Variants in VSTM5 observed in about 807,000 individuals in gnomAD.
VSTM5 encodes the protein V-set and transmembrane domain containing 5.
A neutral mutation model predicts 20.3 loss-of-function variants in VSTM5; 21 were observed. That is an observed-to-expected ratio of 1.03 (90% CI 0.73 to 1.49). VSTM5 has a LOEUF of 1.49. Ranked by LOEUF, VSTM5 falls within the 40% of genes most tolerant of loss-of-function variation. The pLI, the probability that VSTM5 is intolerant of heterozygous loss-of-function variation, is 0.00. For synonymous variants in VSTM5, 100 were observed against 102.5 expected (o/e 0.98, Z 0.14); for missense variants, 219 against 250.0 (o/e 0.88, Z 0.84).
chr11:93,827,800 GT>G (rs988040378), intron 1 of VSTM5: 6 of 150,772 alleles, frequency 4.0e-5, no homozygotes, highest in Non-Finnish European at 5.9e-5. Flanking sequence ...AAGGAAAGAC[GT>G]CTGTGATGTT....
intron 1 of VSTM5, among the ~76,000 whole-genome samples, chr11:93,822,824 A>G (rs184121282): frequency 4.6e-5 from 7 of 152,260 alleles, no homozygotes; most frequent in Admixed American, 4.6e-4. Flanking sequence ...TCAATCACGT[A>G]TCTATGTTTC....
At position 93,819,269 on chromosome 11, in the gene VSTM5, A is replaced by G. The variant is rs182968724; in HGVS notation, c.*1300T>C. 3.1e-4 allele frequency: 47 copies of G among 152,344 alleles called. No individual in the cohort carries two copies. Among genetic ancestry groups the G allele is most frequent in the African/African-American group, 1.1e-3 (45 of 41,580 alleles). 9.4% of individuals were successfully genotyped at this position (152,344 alleles called of 1,614,324 possible). On this transcript the variant is annotated 3_prime_UTR_variant, in exon 4 of 4. Coordinates refer to ENST00000409977, the MANE Select transcript of VSTM5 (RefSeq NM_001144871.2). Reference sequence around the variant, plus strand: ...CGGATGGTACCTTTGGTCTGTAGCTATGAATATTGGAGAGATAAGAGAATG... The same window carrying G: ...CGGATGGTACCTTTGGTCTGTAGCTGTGAATATTGGAGAGATAAGAGAATG...
intron 1 of VSTM5, among the ~76,000 whole-genome samples, chr11:93,840,790 G>T (rs528267496): frequency 2.0e-5 from 3 of 152,092 alleles, no homozygotes; most frequent in South Asian, 4.2e-4. Context: ...GTAGGGTGAG[G>T]TGAGTCCTAA....
chr11:93,821,934 C>T (rs958393283), intron 1 of VSTM5: 1 of 152,352 alleles, frequency 6.6e-6, no homozygotes. Flanking sequence ...GCAACAAGAA[C>T]ATGAGCCTTT....
chr11:93,819,407 G>A lies in VSTM5; in HGVS notation c.*1162C>T, dbSNP rs1193377687. ...GAGGGAATAATGGCCAAGGCCAGCT[G>A]TGGTCCAGTCCCCAATCTCACCTGG... On this transcript the variant is annotated 3_prime_UTR_variant, in exon 4 of 4. Transcript: ENST00000409977. The A allele has an allele frequency of 3.3e-5, 5 of 152,270 alleles. No homozygotes were observed. In the East Asian group the frequency reaches 5.8e-4, roughly 18 times the overall value. 9.4% of individuals were successfully genotyped at this position (152,270 alleles called of 1,614,324 possible).
At chr11:93,841,675 A>C (rs1196140132) in intron 1 of VSTM5, among the ~76,000 whole-genome samples, 1 of 152,238 alleles carries the variant, frequency 6.6e-6, no homozygotes, top group African/African-American at 2.4e-5. Flanking sequence ...CGAAGAGGAC[A>C]CCAAGGATGC....
At chr11:93,843,354 G>T (rs1000704146) in intron 1 of VSTM5, among the ~76,000 whole-genome samples, 2 of 151,920 alleles carry the variant, frequency 1.3e-5, no homozygotes, top group African/African-American at 4.8e-5. Context: ...CATCCTCCTC[G>T]ATCTGCCGTC....
At chr11:93,843,152 C>T (rs1944384675) in intron 1 of VSTM5, among the ~76,000 whole-genome samples, 2 of 152,018 alleles carry the variant, frequency 1.3e-5, no homozygotes, top group African/African-American at 4.8e-5. Context: ...AGTAAATTCT[C>T]CTCCAGAAAA....
chr11:93,849,376 T>C (rs1174318771), intron 1 of VSTM5, among the ~76,000 whole-genome samples: 2 of 152,202 alleles, frequency 1.3e-5, no homozygotes, highest in Non-Finnish European at 2.9e-5. Flanking sequence ...AGGCTGGTCT[T>C]GAACTCCTGG....
chr11:93,830,435 AGGTCTGCCC>A (rs1944272586), intron 1 of VSTM5, among the ~76,000 whole-genome samples: 1 of 151,894 alleles, frequency 6.6e-6, no homozygotes, highest in Non-Finnish European at 1.5e-5. Context: ...TGTGTAGGGC[AGGTCTGCCC>A]AAGACCGCAA....
At chr11:93,838,468 T>C (rs570175722) in intron 1 of VSTM5, among the ~76,000 whole-genome samples, 7 of 150,986 alleles carry the variant, frequency 4.6e-5, no homozygotes, top group African/African-American at 1.2e-4. Flanking sequence ...CCAGACTCCA[T>C]CGTAAAAAAA....
intron 1 of VSTM5, among the ~76,000 whole-genome samples, chr11:93,842,072 A>G (rs12289146): frequency 0.2 from 30,006 of 152,202 alleles, 3,185 homozygotes; most frequent in Admixed American, 0.33. Flanking sequence ...GCAGAATAAA[A>G]TTTAAATGAG....
At chr11:93,830,016 C>T (rs1256480705) in intron 1 of VSTM5, among the ~76,000 whole-genome samples, 1 of 152,092 alleles carries the variant, frequency 6.6e-6, no homozygotes, top group Non-Finnish European at 1.5e-5. Context: ...AGGGAGGAAG[C>T]CCAATCTCAG....
intron 1 of VSTM5, among the ~76,000 whole-genome samples, chr11:93,842,760 G>T (rs75186535): frequency 0.03 from 4,580 of 152,296 alleles, 233 homozygotes; most frequent in African/African-American, 0.1. Context: ...TTGAGGGGAT[G>T]TTATAGGATG....
intron 1 of VSTM5, among the ~76,000 whole-genome samples, chr11:93,846,767 T>C (rs1475917701): frequency 1.9e-3 from 5 of 2,624 alleles, no homozygotes; most frequent in Non-Finnish European, 0.012. Flanking sequence ...TTTTTTTTAA[T>C]TTTTTTTTTT....
chr11:93,837,040 C>CACACAT (rs1409629852), intron 1 of VSTM5, among the ~76,000 whole-genome samples: 2 of 150,684 alleles, frequency 1.3e-5, no homozygotes, highest in Non-Finnish European at 3.0e-5. Context: ...CACACACACA[C>CACACAT]ATATATTTTG....
rs542186380 is a variant in VSTM5 at position 93,839,491 on chromosome 11, C to T, written c.91+10921G>A. ...TTGGCCTCCCTGAATCTGTTTTCTT[C>T]AGGCATAAAGTGGGAATAGCAACGC... On this transcript the variant is annotated intron_variant, in intron 1 of 3. Transcript: ENST00000409977. Among the ~76,000 whole-genome samples the T allele has an allele frequency of 1.8e-3, 277 of 152,324 alleles. 2 individuals carry two copies. The highest frequency in any genetic ancestry group is 6.8e-3 in the Middle Eastern group (2 of 294).
rs1944157792 is a variant in VSTM5, at chr11:93,819,122, G to T, written c.*1447C>A. 6.6e-6 allele frequency: 1 copy of T among 152,226 alleles called. No individual in the cohort carries two copies. Among genetic ancestry groups the T allele is most frequent in the Non-Finnish European group, 1.5e-5 (1 of 68,064 alleles). 9.4% of individuals were successfully genotyped at this position (152,226 alleles called of 1,614,324 possible). Reference sequence around the variant, plus strand: ...ATCCAAGCAACTCCTCTGCCACATAGGAAATAGAGAAGATATGGACATTGG... The same window carrying T: ...ATCCAAGCAACTCCTCTGCCACATATGAAATAGAGAAGATATGGACATTGG... On this transcript the variant is annotated 3_prime_UTR_variant, in exon 4 of 4. Transcript: ENST00000409977.
chr11:93,822,469 G>A (rs1335280542), intron 1 of VSTM5, among the ~76,000 whole-genome samples: 7 of 147,956 alleles, frequency 4.7e-5, no homozygotes, highest in Non-Finnish European at 1.0e-4. Context: ...TCCAATCCTG[G>A]ATCTCTACTT....
Sources: allele counts gnomAD v4.1 joint callset (sites outside exome capture counted in the v4.1 genomes callset), GRCh38; gene constraint gnomAD v4.1.1; transcripts MANE v1.5; gene names NCBI Gene and HGNC (gene_info 2026-07-23, HGNC 2026-07-21).